SSX3: variants seen among roughly 807,000 people sequenced by gnomAD.
The protein encoded by SSX3 is protein SSX3.
A neutral mutation model predicts 14.8 loss-of-function variants in SSX3; 6 were observed. The observed-to-expected ratio is 0.41, with a 90% CI of 0.22 to 0.80. SSX3 has a LOEUF of 0.80. SSX3 is among the 30% of genes least tolerant of loss of function. The pLI is 0.34. For synonymous variants in SSX3, 55 were observed against 52.9 expected, an observed-to-expected ratio of 1.04 and a Z score of -0.18; for missense variants, 163 against 152.2, an observed-to-expected ratio of 1.07 and a Z score of -0.37.
intron 5 of SSX3, 115 bp downstream of exon 5, chrX:48,351,985 G>C: frequency 1.0e-6 from 1 of 955,688 alleles, no homozygotes; most frequent in Non-Finnish European, 1.5e-6. Flanking sequence ...TGTTGTGATA[G>C]ACATGGGGAG....
intron 2 of SSX3, 141 bp from the exon 3 acceptor site, chrX:48,354,887 T>C: frequency 8.5e-7 from 1 of 1,177,212 alleles, no homozygotes; most frequent in African/African-American, 1.8e-5. Context: ...TGACAGAACA[T>C]GAGGGACCTT....
chrX:48,349,468 T>G, intron 6 of SSX3: 1 of 1,135,959 alleles, frequency 8.8e-7, no homozygotes, highest in Admixed American at 2.6e-5. Flanking sequence ...ATTGCACACT[T>G]AGTAGACTAC....
rs1264297974 is a variant in SSX3, at chrX:48,346,579, GTGTGTGTC to G, written c.*453_*460del. On this transcript the variant is annotated 3_prime_UTR_variant, in exon 8 of 8. Transcript: ENST00000298396. ...TGGGAGATGCTTATACTGGTACTTGGTGTGTGTCTGTGTGTGTGTGTGTGTGTGTGTGG... is the reference window on the plus strand; with the variant it reads ...TGGGAGATGCTTATACTGGTACTTGGTGTGTGTGTGTGTGTGTGTGTGTGG... 0.015 allele frequency: 1,316 copies of G among 90,227 alleles called. 6 individuals are homozygous for G. The highest frequency in any genetic ancestry group is 0.068 in the East Asian group (235 of 3,435). 7.4% of individuals were successfully genotyped at this position (90,227 alleles called of 1,213,427 possible). A position where few individuals can be genotyped will look rare whatever the true frequency, so the allele number is the denominator to read the frequency against.
chrX:48,348,259 T>C lies in SSX3; in HGVS notation c.467-655A>G, dbSNP rs1322430100. The C allele has an allele frequency of 8.6e-6, 4 of 467,715 alleles. No individual in the cohort carries two copies. In the African/African-American group the frequency reaches 9.7e-5, roughly 11 times the overall value. The allele number at this position is 467,715 out of a possible 1,213,427, so 38.5% of individuals were successfully genotyped here. Reference sequence around the variant, plus strand: ...TTACAAACAATCCATTTATGCTCTTTTAGTTTTTTTAAGTACAATTAAGTT... The same window carrying C: ...TTACAAACAATCCATTTATGCTCTTCTAGTTTTTTTAAGTACAATTAAGTT... On this transcript the variant is annotated intron_variant, in intron 6 of 7. Transcript: ENST00000298396.
intron 6 of SSX3, chrX:48,349,660 C>T (rs1182085622): frequency 8.5e-7 from 1 of 1,183,298 alleles, no homozygotes; most frequent in East Asian, 3.0e-5. Context: ...CGCTTGAGCA[C>T]CTTTCATGTC....
In SSX3 at chrX:48,347,032, A is replaced by G. The variant is rs146610033; in HGVS notation, c.*8T>C. On this transcript the variant is annotated 3_prime_UTR_variant, in exon 8 of 8. Coordinates refer to ENST00000298396, the MANE Select transcript of SSX3 (RefSeq NM_021014.4). ...CATCATGGGCATGTGTCATATCCCCAAGGCTGAGGCAAGAAGAGAGAAGGA... is the reference window on the plus strand; with the variant it reads ...CATCATGGGCATGTGTCATATCCCCGAGGCTGAGGCAAGAAGAGAGAAGGA... 10,461 of 1,194,790 alleles carry G rather than the reference A, an allele frequency of 8.8e-3. 616 individuals are homozygous for G. In the African/African-American group the frequency reaches 0.16, roughly 18 times the overall value.
chrX:48,354,286 A>T (rs1329987290), intron 3 of SSX3, among the ~76,000 whole-genome samples, 192 bp from the exon 4 acceptor site: 3 of 96,470 alleles, frequency 3.1e-5, no homozygotes, highest in African/African-American at 1.1e-4. Context: ...TGACTCAAAC[A>T]AAAAAAAAAA....
In SSX3 at chrX:48,350,021, T is replaced by C. The variant is rs2061255138; in HGVS notation, c.432A>G (p.Lys144=). 1 of 1,209,713 alleles carries C rather than the reference T, an allele frequency of 8.3e-7. No individual in the cohort carries two copies. The highest frequency in any genetic ancestry group is 1.8e-5 in the African/African-American group (1 of 57,091). The change falls in exon 6 of 8, where the codon AAA becomes AAG. Residue 144 remains lysine (K), a synonymous_variant. Coordinates refer to ENST00000298396, the MANE Select transcript of SSX3 (RefSeq NM_021014.4). The part of the protein sequence containing the change: ...NDGKQLCPPG[K]PTTSEKINMI... ...TGTTAATCTTCTCAGAGGTAGTTGG[T>C]TTTCCCGGGGGGCACAGCTGTTTCC...
At chrX:48,355,931 C>T (rs782099881) in intron 1 of SSX3, among the ~76,000 whole-genome samples, 16 of 111,792 alleles carry the variant, frequency 1.4e-4, no homozygotes, top group African/African-American at 5.2e-4. Context: ...AATCCCAGCA[C>T]TTTGGGAGGC....
At chrX:48,352,791 T>A (rs145912284) in intron 4 of SSX3, among the ~76,000 whole-genome samples, 1 of 111,977 alleles carries the variant, frequency 8.9e-6, no homozygotes, top group South Asian at 3.8e-4. Flanking sequence ...TAAATACATA[T>A]GTCCCCTTTA....
At chrX:48,351,145 C>A (rs781933676) in intron 5 of SSX3, among the ~76,000 whole-genome samples, 27 of 111,950 alleles carry the variant, frequency 2.4e-4, no homozygotes, top group Middle Eastern at 9.2e-3. Context: ...CAAGAAAGTG[C>A]TCTCTGAGCT....
chrX:48,352,645 C>A (rs2146666832), intron 4 of SSX3, among the ~76,000 whole-genome samples: 1 of 112,511 alleles, frequency 8.9e-6, no homozygotes, highest in South Asian at 3.7e-4. Flanking sequence ...CAAGCACTGG[C>A]TTTTCAGATC....
rs1301616601 is a variant in SSX3, at chrX:48,351,443, C to T, written c.330+657G>A. On this transcript the variant is annotated intron_variant, in intron 5 of 7. Coordinates refer to ENST00000298396, the MANE Select transcript of SSX3 (RefSeq NM_021014.4). ...TAAGCCATGCAAGTGGCCCCAGTAA[C>T]ACAGCAGAGACCAGATGGTCCTTCC... 4.5e-5 allele frequency among the ~76,000 whole-genome samples: 5 copies of T among 112,330 alleles called. No individual in the cohort carries two copies. The East Asian group carries it at 1.4e-3, about 31-fold the overall frequency.
rs12559241 is a variant in SSX3, at chrX:48,346,463, C to A, written c.*577G>T. ...AAGGTTTATTTACTGTCAGTGACTG[C>A]TACAGGGGAATCGGATGAGGGGAGT... is the stretch of plus-strand genomic sequence containing the variant. On this transcript the variant is annotated 3_prime_UTR_variant, in exon 8 of 8. Transcript: ENST00000298396. 0.015 allele frequency: 2,932 copies of A among 195,877 alleles called. 50 individuals carry two copies. Among genetic ancestry groups the A allele is most frequent in the East Asian group, 0.11 (1,113 of 10,331 alleles). The allele number at this position is 195,877 out of a possible 1,213,427, so 16.1% of individuals were successfully genotyped here. A position where few individuals can be genotyped will look rare whatever the true frequency, so the allele number is the denominator to read the frequency against.
At chrX:48,356,094 G>A (rs1204360083) in intron 1 of SSX3, among the ~76,000 whole-genome samples, 3 of 111,823 alleles carry the variant, frequency 2.7e-5, no homozygotes, top group East Asian at 2.8e-4. Context: ...TGGGCGGATC[G>A]CCTTAGCCCA....
chrX:48,353,894 C>T lies in SSX3; in HGVS notation c.280+105G>A, dbSNP rs868978357. ...TGCAATTTTTTTTTTCACTCTGCCC[C>T]GATGTGTATGAGGGAACAAATGCCT... is the stretch of plus-strand genomic sequence containing the variant. On this transcript the variant is annotated intron_variant, in intron 4 of 7. Transcript: ENST00000298396. 135 of 866,350 alleles carry T rather than the reference C, an allele frequency of 1.6e-4. No homozygotes were observed. In the South Asian group the frequency reaches 2.6e-3, roughly 17 times the overall value. 71.4% of individuals were successfully genotyped at this position (866,350 alleles called of 1,213,427 possible).
intron 6 of SSX3, among the ~76,000 whole-genome samples, chrX:48,349,295 T>C (rs868936655): frequency 3.6e-5 from 4 of 111,944 alleles, no homozygotes; most frequent in African/African-American, 6.5e-5. Context: ...GCCACTCCAA[T>C]CTTCAGCAAC....
At chrX:48,353,168 T>C (rs1443130140) in intron 4 of SSX3, among the ~76,000 whole-genome samples, 1 of 109,238 alleles carries the variant, frequency 9.2e-6, no homozygotes, top group African/African-American at 3.3e-5. Flanking sequence ...TTCTTAACTG[T>C]CCTTTGATAC....
At chrX:48,353,130 CT>C (rs782294230) in intron 4 of SSX3, among the ~76,000 whole-genome samples, 5,371 of 98,275 alleles carry the variant, frequency 0.055, 290 homozygotes, top group African/African-American at 0.16. Flanking sequence ...CACTTTCTTT[CT>C]TTTTTTTTTT....
Sources: allele counts gnomAD v4.1 joint callset (sites outside exome capture counted in the v4.1 genomes callset), GRCh38; gene constraint gnomAD v4.1.1; transcripts MANE v1.5; gene names NCBI Gene and HGNC (gene_info 2026-07-23, HGNC 2026-07-21).